The following CPNE4 variants were observed in gnomAD, a reference collection of about 807,000 sequenced individuals.
The protein encoded by CPNE4 is copine 4.
A neutral mutation model predicts 67.9 loss-of-function variants in CPNE4; 25 were observed. The observed-to-expected ratio is 0.37, with a 90% CI of 0.27 to 0.51. The LOEUF is 0.51. CPNE4 is among the 20% of genes least tolerant of loss of function. The probability of loss-of-function intolerance (pLI) is 0.93; values close to 1 mark genes in which losing one functional copy is unlikely to be tolerated. For synonymous variants in CPNE4, 242 were observed against 244.9 expected (o/e 0.99, Z 0.11); for missense variants, 464 against 690.8 (o/e 0.67, Z 3.68).
At chr3:131,751,697 T>C (rs1481667711) in intron 2 of CPNE4, among the ~76,000 whole-genome samples, 1 of 152,162 alleles carries the variant, frequency 6.6e-6, no homozygotes, top group Non-Finnish European at 1.5e-5. Flanking sequence ...GTATGACAAG[T>C]TAAACCTAGA....
intron 13 of CPNE4, among the ~76,000 whole-genome samples, chr3:131,551,313 G>A (rs1384112614): frequency 6.6e-6 from 1 of 152,100 alleles, no homozygotes; most frequent in Non-Finnish European, 1.5e-5. Flanking sequence ...GTCTGGTTCT[G>A]AAGTTAAGTG....
At chr3:131,884,653 C>T (rs1337785213) in intron 2 of CPNE4, among the ~76,000 whole-genome samples, 5 of 152,126 alleles carry the variant, frequency 3.3e-5, no homozygotes, top group South Asian at 2.1e-4. Flanking sequence ...ATAATTCCCA[C>T]GTGTTGTGGG....
intron 7 of CPNE4, among the ~76,000 whole-genome samples, chr3:131,666,039 A>G (rs555297817): frequency 5.3e-4 from 81 of 152,290 alleles, no homozygotes; most frequent in Non-Finnish European, 1.1e-3. Context: ...AATGAAAAAA[A>G]CAGGTAAAAT....
intron 2 of CPNE4, among the ~76,000 whole-genome samples, chr3:131,810,915 G>A (rs2084500294): frequency 6.6e-6 from 1 of 152,022 alleles, no homozygotes; most frequent in African/African-American, 2.4e-5. Context: ...GCATTATGCT[G>A]GGTGAAATAA....
chr3:132,014,847 G>A (rs572212269), intron 1 of CPNE4, among the ~76,000 whole-genome samples: 4 of 152,222 alleles, frequency 2.6e-5, no homozygotes, highest in Non-Finnish European at 5.9e-5. Flanking sequence ...GGAGAAAGTC[G>A]TGTGGAAAAA....
chr3:132,013,811 A>T (rs770194371), intron 1 of CPNE4, among the ~76,000 whole-genome samples: 1 of 152,212 alleles, frequency 6.6e-6, no homozygotes, highest in Non-Finnish European at 1.5e-5. Context: ...TGGGACACAA[A>T]GAGTTTGTAT....
At chr3:132,007,625 C>CA (rs1560776873) in intron 1 of CPNE4, among the ~76,000 whole-genome samples, 7 of 146,358 alleles carry the variant, frequency 4.8e-5, no homozygotes, top group Non-Finnish European at 1.5e-5. Context: ...CACAGCAGCC[C>CA]TTTTTTTTTT....
chr3:131,632,134 C>T (rs1004420364), intron 7 of CPNE4, among the ~76,000 whole-genome samples: 8 of 151,470 alleles, frequency 5.3e-5, no homozygotes, highest in Non-Finnish European at 1.0e-4. Context: ...CTCAGCCTCC[C>T]GAGTAGCTGG....
chr3:131,837,417 G>A (rs2085600017), intron 2 of CPNE4, among the ~76,000 whole-genome samples: 1 of 152,066 alleles, frequency 6.6e-6, no homozygotes, highest in African/African-American at 2.4e-5. Flanking sequence ...ATTATTCTGA[G>A]GTGAAAAAGC....
chr3:131,934,734 T>C (rs2071173830), intron 1 of CPNE4, among the ~76,000 whole-genome samples: 1 of 152,162 alleles, frequency 6.6e-6, no homozygotes, highest in Admixed American at 6.5e-5. Context: ...GCTCCTAGGA[T>C]AACCCAGTTA....
chr3:131,615,958 C>G (rs956407321), intron 7 of CPNE4, among the ~76,000 whole-genome samples: 5 of 148,562 alleles, frequency 3.4e-5, no homozygotes, highest in African/African-American at 1.0e-4. Context: ...CACAAAAGAA[C>G]ATTTGCTACT....
intron 2 of CPNE4, among the ~76,000 whole-genome samples, chr3:131,856,289 A>G (rs1334872308): frequency 6.6e-6 from 1 of 151,906 alleles, no homozygotes. Context: ...TGGTTTCTAC[A>G]TAGTCATCTC....
At chr3:131,938,177 T>C (rs2071281271) in intron 1 of CPNE4, among the ~76,000 whole-genome samples, 1 of 151,914 alleles carries the variant, frequency 6.6e-6, no homozygotes. Context: ...GGCAACATGG[T>C]GAAACCCTGT....
At chr3:131,612,571 CTT>C (rs1226766546) in intron 7 of CPNE4, among the ~76,000 whole-genome samples, 2 of 152,122 alleles carry the variant, frequency 1.3e-5, no homozygotes, top group Admixed American at 6.5e-5. Context: ...GTACCTCTCT[CTT>C]GGCATCTCTC....
In CPNE4 at chr3:131,839,134, T is replaced by C. The variant is rs2085674091; in HGVS notation, c.180+66130A>G. 2.6e-5 allele frequency among the ~76,000 whole-genome samples: 4 copies of C among 151,904 alleles called. No homozygotes were observed. In the South Asian group the frequency reaches 6.2e-4, roughly 24 times the overall value. On this transcript the variant is annotated intron_variant, in intron 2 of 15. Coordinates refer to ENST00000429747, the MANE Select transcript of CPNE4 (RefSeq NM_130808.3). ...GAAATCACCTTTGTAAAAAAAAATC[T>C]GAGGTGAGGACAAGAATTGTGTGCA...
At chr3:131,832,235 C>T (rs1483633421) in intron 2 of CPNE4, among the ~76,000 whole-genome samples, 4 of 151,980 alleles carry the variant, frequency 2.6e-5, no homozygotes, top group Admixed American at 2.6e-4. Flanking sequence ...AAATCCTAAT[C>T]CTTAATTTGA....
intron 15 of CPNE4, among the ~76,000 whole-genome samples, chr3:131,541,517 A>G (rs1376058999): frequency 1.3e-5 from 2 of 152,010 alleles, no homozygotes; most frequent in African/African-American, 4.8e-5. Context: ...GTATTAATTT[A>G]TAGAAAACTG....
intron 2 of CPNE4, among the ~76,000 whole-genome samples, chr3:131,817,977 TA>T (rs1416013643): frequency 6.6e-6 from 1 of 152,230 alleles, no homozygotes; most frequent in East Asian, 1.9e-4. Flanking sequence ...TTTCAGTATT[TA>T]AAAAGTGCAC....
chr3:131,818,417 G>A (rs1212180344), intron 2 of CPNE4, among the ~76,000 whole-genome samples: 1 of 152,132 alleles, frequency 6.6e-6, no homozygotes, highest in Admixed American at 6.5e-5. Flanking sequence ...GAATTTTTGT[G>A]CTCTTCTGTT....
Sources: allele counts gnomAD v4.1 joint callset (sites outside exome capture counted in the v4.1 genomes callset), GRCh38; gene constraint gnomAD v4.1.1; transcripts MANE v1.5; gene names NCBI Gene and HGNC (gene_info 2026-07-23, HGNC 2026-07-21).